Variants in CRB3 observed in about 807,000 individuals in gnomAD.
CRB3 encodes crumbs cell polarity complex component 3.
A neutral mutation model predicts 10.4 loss-of-function variants in CRB3; 4 were observed. The ratio of observed to expected loss-of-function variants is 0.39; its 90% CI spans 0.19 to 0.88. CRB3 has a LOEUF of 0.88. Ranked by LOEUF, CRB3 falls within the 40% of genes least tolerant of loss-of-function variation. CRB3 has a pLI of 0.39. For synonymous variants in CRB3, 74 were observed against 73.4 expected (o/e 1.01, Z -0.04); for missense variants, 154 against 160.2 (o/e 0.96, Z 0.21).
In CRB3 at chr19:6,464,806, G is replaced by A. The variant is rs1053514289; in HGVS notation, c.82+23G>A. Reference sequence around the variant, plus strand: ...AAAGTAGGTACCAGCTGAGAGCGCTGGGGGGGAGGGGTCTGGATTCCTGGA... The same window carrying A: ...AAAGTAGGTACCAGCTGAGAGCGCTAGGGGGGAGGGGTCTGGATTCCTGGA... On this transcript the variant is annotated intron_variant, in intron 2 of 3. Transcript: ENST00000600229. The surrounding 1 kb of genome is among the most constrained non-coding windows in gnomAD (Gnocchi z 5.3). 6 of 1,217,680 alleles carry A rather than the reference G, an allele frequency of 4.9e-6. No homozygotes were observed. The highest frequency in any genetic ancestry group is 6.2e-6 in the Non-Finnish European group (6 of 966,228). 75.4% of individuals were successfully genotyped at this position (1,217,680 alleles called of 1,614,324 possible).
chr19:6,466,881 C>A lies in CRB3; in HGVS notation c.*209C>A. 1 of 1,584,170 alleles carries A rather than the reference C, an allele frequency of 6.3e-7. No individual in the cohort carries two copies. Among genetic ancestry groups the A allele is most frequent in the Non-Finnish European group, 8.6e-7 (1 of 1,162,764 alleles). ...AGGGTGCTGGGGCTCGGGACCCACC[C>A]CCCTGCTTGCGGAACCAACTTTTCT... On this transcript the variant is annotated 3_prime_UTR_variant, in exon 4 of 4. Coordinates refer to ENST00000600229, the MANE Select transcript of CRB3 (RefSeq NM_139161.5). The surrounding 1 kb of genome is among the most constrained non-coding windows in gnomAD (Gnocchi z 4.9).
At position 6,465,589 on chromosome 19, in the gene CRB3, T is replaced by G; in HGVS notation, c.127T>G (p.Ser43Ala). 6.2e-7 allele frequency: 1 copy of G among 1,614,026 alleles called. No homozygotes were observed. Among genetic ancestry groups the G allele is most frequent in the Non-Finnish European group, 8.5e-7 (1 of 1,179,944 alleles). ...TGAGAATAGCACTGTTTTGCCTTCA[T>G]CCACCAGCTCCAGCTCCGATGGCAA... ...ANENSTVLPS[S>A]TSSSSDGNLR... The change falls in exon 3 of 4, where the codon TCC becomes GCC. Residue 43 changes from serine (S) to alanine (A), a missense_variant. Coordinates refer to ENST00000600229, the MANE Select transcript of CRB3 (RefSeq NM_139161.5).
upstream of CRB3, chr19:6,463,980 A>T (rs2092783348): frequency 1.3e-5 from 2 of 152,182 alleles, no homozygotes; most frequent in Admixed American, 6.5e-5. Flanking sequence ...TGCCTAGTGC[A>T]CGGGTACATA....
At chr19:6,464,090 C>A (rs1476242371), upstream of CRB3, 1 of 152,284 alleles carries the variant, frequency 6.6e-6, no homozygotes, top group East Asian at 1.9e-4. The surrounding 1 kb of genome is among the most constrained non-coding windows in gnomAD (Gnocchi z 5.3). Flanking sequence ...GGTCTCCCTC[C>A]CCGCATCCCC....
At position 6,466,972 on chromosome 19, in the gene CRB3, CG is replaced by C. The variant is rs1568390365; in HGVS notation, c.*303del. 6.2e-7 allele frequency: 1 copy of C among 1,614,052 alleles called. No individual in the cohort carries two copies. The highest frequency in any genetic ancestry group is 8.5e-7 in the Non-Finnish European group (1 of 1,179,994). On this transcript the variant is annotated 3_prime_UTR_variant, in exon 4 of 4. Coordinates refer to ENST00000600229, the MANE Select transcript of CRB3 (RefSeq NM_139161.5). This position sits in a 1 kb window ranked among gnomAD's most constrained non-coding sequence, Gnocchi z 4.9. ...TCAGTTCTCCCATGCAGCCGAGGCCCGGGCCCCTCAGGACTCCAAGGAGACG... is the reference window on the plus strand; with the variant it reads ...TCAGTTCTCCCATGCAGCCGAGGCCCGGCCCCTCAGGACTCCAAGGAGACG...
Position 6,464,401 on chromosome 19 carries a change from G to GCCCGTCCCGTCCCGTCCCGTCCCGT in CRB3, c.-95+55_-95+79dup, listed in dbSNP as rs576714100. The stretch of plus-strand genomic sequence containing the variant: ...GCCTGCCCCCTCGCCCGTCCACCCT[G>GCCCGTCCCGTCCCGTCCCGTCCCGT]CCCGTCCCGTCCCGTCCCGTCCCGT... On this transcript the variant is annotated intron_variant, in intron 1 of 3. Coordinates refer to ENST00000600229, the MANE Select transcript of CRB3 (RefSeq NM_139161.5). The surrounding 1 kb of genome is among the most constrained non-coding windows in gnomAD (Gnocchi z 5.3). The GCCCGTCCCGTCCCGTCCCGTCCCGT allele has an allele frequency of 1.3e-5, 4 of 300,236 alleles. No individual in the cohort carries two copies. The Admixed American group carries it at 1.5e-4, about 12-fold the overall frequency. The allele number at this position is 300,236 out of a possible 1,614,324, so 18.6% of individuals were successfully genotyped here. A position where few individuals can be genotyped will look rare whatever the true frequency, so the allele number is the denominator to read the frequency against.
rs348363 is a variant in CRB3 at position 6,466,734 on chromosome 19, C to T, written c.*62C>T. On this transcript the variant is annotated 3_prime_UTR_variant, in exon 4 of 4. Coordinates refer to ENST00000600229, the MANE Select transcript of CRB3 (RefSeq NM_139161.5). This position sits in a 1 kb window ranked among gnomAD's most constrained non-coding sequence, Gnocchi z 4.9. ...GACTGCGGGTTGCTGGCTTGTACACCGCAGCTGCCACCGAGACACCAGCCT... is the reference window on the plus strand; with the variant it reads ...GACTGCGGGTTGCTGGCTTGTACACTGCAGCTGCCACCGAGACACCAGCCT... The T allele has an allele frequency of 0.065, 101,386 of 1,556,032 alleles. 4,263 individuals carry two copies. Among genetic ancestry groups the T allele is most frequent in the African/African-American group, 0.18 (12,881 of 72,450 alleles).
chr19:6,466,433 C>A lies in CRB3; in HGVS notation c.157-33C>A, dbSNP rs1363661401. 2.5e-6 allele frequency: 4 copies of A among 1,591,366 alleles called. No homozygotes were observed. In the African/African-American group the frequency reaches 5.4e-5, roughly 21 times the overall value. The stretch of plus-strand genomic sequence containing the variant: ...GGTGGAGGTGGACAGGCTACCCAGG[C>A]TCAGGTGATTCACACCTGTCCCCTC... On this transcript the variant is annotated intron_variant, in intron 3 of 3. Transcript: ENST00000600229. This position sits in a 1 kb window ranked among gnomAD's most constrained non-coding sequence, Gnocchi z 4.9.
chr19:6,465,058 G>A (rs955447095), intron 2 of CRB3: 16 of 343,544 alleles, frequency 4.7e-5, no homozygotes, highest in Admixed American at 2.8e-4. Context: ...AGTAGGACTT[G>A]GGGGGAGGTA....
chr19:6,467,081 C>A lies in CRB3; in HGVS notation c.*409C>A. ...TGTGTGACCTTGGGGAAAGGCAGTG[C>A]CCTCTCTGGGCAGTCAGATCCACCC... On this transcript the variant is annotated 3_prime_UTR_variant, in exon 4 of 4. Coordinates refer to ENST00000600229, the MANE Select transcript of CRB3 (RefSeq NM_139161.5). 6.6e-7 allele frequency: 1 copy of A among 1,506,840 alleles called. No homozygotes were observed. 93.3% of individuals were successfully genotyped at this position (1,506,840 alleles called of 1,614,324 possible).
chr19:6,466,576 G>T lies in CRB3; in HGVS notation c.267G>T (p.Thr89=). The part of the protein sequence containing the change: ...LVRKLREKRQ[T]EGTYRPSSEE... ...GGAAGCTTCGGGAGAAGCGGCAGAC[G>T]GAGGGCACCTACCGGCCCAGTAGCG... The change falls in exon 4 of 4, where the codon ACG becomes ACT. Residue 89 remains threonine, a synonymous_variant. Transcript: ENST00000600229. This position sits in a 1 kb window ranked among gnomAD's most constrained non-coding sequence, Gnocchi z 4.9. The T allele has an allele frequency of 6.2e-7, 1 of 1,610,554 alleles. No individual in the cohort carries two copies.
upstream of CRB3, chr19:6,463,900 G>A (rs2092783186): frequency 6.6e-6 from 1 of 152,238 alleles, no homozygotes; most frequent in African/African-American, 2.4e-5. Flanking sequence ...TTACAGGCGT[G>A]AGCCATTGCG....
intron 2 of CRB3, 144 bp from the exon 3 acceptor site, chr19:6,465,401 A>G (rs1048400240): frequency 2.7e-6 from 2 of 750,694 alleles, no homozygotes; most frequent in East Asian, 2.5e-5. Flanking sequence ...AAGACACCCA[A>G]CCATCTCTGT....
At chr19:6,465,414 G>A (rs1006996052) in intron 2 of CRB3, 131 bp from the exon 3 acceptor site, 91 of 781,660 alleles carry the variant, frequency 1.2e-4, no homozygotes, top group Non-Finnish European at 5.0e-5. Flanking sequence ...ATCTCTGTGC[G>A]AATGAAAGGC....
chr19:6,466,555 G>A lies in CRB3; in HGVS notation c.246G>A (p.Lys82=). 6.2e-7 allele frequency: 1 copy of A among 1,612,678 alleles called. No individual in the cohort carries two copies. Among genetic ancestry groups the A allele is most frequent in the Non-Finnish European group, 8.5e-7 (1 of 1,180,014 alleles). ...TGGGGCTGGCACTGTTGGTGCGGAA[G>A]CTTCGGGAGAAGCGGCAGACGGAGG... ...LAVGLALLVR[K]LREKRQTEGT... Residue 82 remains lysine (K), a synonymous_variant, in exon 4 of 4, where the codon AAG becomes AAA. Coordinates refer to ENST00000600229, the MANE Select transcript of CRB3 (RefSeq NM_139161.5). The surrounding 1 kb of genome is among the most constrained non-coding windows in gnomAD (Gnocchi z 4.9).
At chr19:6,465,359 G>A (rs897744336) in intron 2 of CRB3, among the ~76,000 whole-genome samples, 186 bp from the exon 3 acceptor site, 15 of 152,068 alleles carry the variant, frequency 9.9e-5, no homozygotes, top group Non-Finnish European at 1.5e-4. Flanking sequence ...GTGTCCTGGG[G>A]AGCAAACACC....
rs986146129 is a variant in CRB3, at chr19:6,464,673, C to T, written c.-29C>T. 8 of 1,224,142 alleles carry T rather than the reference C, an allele frequency of 6.5e-6. No homozygotes were observed. In the African/African-American group the frequency reaches 9.3e-5, roughly 14 times the overall value. The allele number at this position is 1,224,142 out of a possible 1,614,324, so 75.8% of individuals were successfully genotyped here. A position where few individuals can be genotyped will look rare whatever the true frequency, so the allele number is the denominator to read the frequency against. ...AGGGGCGAGCGCGAGAAGCCCCTTC[C>T]TCGGCGCTGCCAACCCGCCACCCAG... On this transcript the variant is annotated 5_prime_UTR_variant, in exon 2 of 4. Coordinates refer to ENST00000600229, the MANE Select transcript of CRB3 (RefSeq NM_139161.5). The surrounding 1 kb of genome is among the most constrained non-coding windows in gnomAD (Gnocchi z 5.3).
At chr19:6,464,130 C>G (rs1233140439), upstream of CRB3, 2 of 149,344 alleles carry the variant, frequency 1.3e-5, no homozygotes, top group South Asian at 2.1e-4. This position sits in a 1 kb window ranked among gnomAD's most constrained non-coding sequence, Gnocchi z 5.3. Flanking sequence ...GTTACAGGTG[C>G]GCCCACAGCG....
Position 6,466,409 on chromosome 19 carries a change from G to A in CRB3, c.157-57G>A, listed in dbSNP as rs1338428021. On this transcript the variant is annotated intron_variant, in intron 3 of 3. Transcript: ENST00000600229. The surrounding 1 kb of genome is among the most constrained non-coding windows in gnomAD (Gnocchi z 4.9). ...GGGTGATGAGGGGGATGCCATTCAG[G>A]TGGAGGTGGACAGGCTACCCAGGCT... 4.9e-6 allele frequency: 7 copies of A among 1,434,792 alleles called. No homozygotes were observed. In the Admixed American group the frequency reaches 6.7e-5, roughly 14 times the overall value. 88.9% of individuals were successfully genotyped at this position (1,434,792 alleles called of 1,614,324 possible). A position where few individuals can be genotyped will look rare whatever the true frequency, so the allele number is the denominator to read the frequency against.
Sources: allele counts gnomAD v4.1 joint callset (sites outside exome capture counted in the v4.1 genomes callset), GRCh38; gene constraint gnomAD v4.1.1; non-coding constraint Gnocchi (gnomAD v3.1); transcripts MANE v1.5; gene names NCBI Gene and HGNC (gene_info 2026-07-23, HGNC 2026-07-21).